Variants in NRXN3 observed in about 807,000 individuals in gnomAD.
NRXN3 encodes the protein neurexin 3.
In NRXN3, 32 loss-of-function variants were observed where a neutral mutation model predicts 137.6. The observed-to-expected ratio is 0.23, with a 90% CI of 0.18 to 0.31. NRXN3 has a LOEUF of 0.31. Among genes scored for constraint, NRXN3 ranks in the 10% least tolerant of loss-of-function variants. The probability of loss-of-function intolerance (pLI) is 1.00; values close to 1 mark genes in which losing one functional copy is unlikely to be tolerated. For missense variants in NRXN3, 1,574 were observed against 2,062.5 expected, an observed-to-expected ratio of 0.76 and a Z score of 4.59; for synonymous variants, 798 against 784.5, an observed-to-expected ratio of 1.02 and a Z score of -0.29.
chr14:78,285,867 G>A (rs528997489), intron 3 of NRXN3, among the ~76,000 whole-genome samples: 3 of 152,304 alleles, frequency 2.0e-5, no homozygotes, highest in Admixed American at 2.0e-4. Context: ...TAGATTGGAA[G>A]GGGGCCCTCA....
intron 4 of NRXN3, among the ~76,000 whole-genome samples, chr14:78,349,320 TG>T (rs1467785834): frequency 6.6e-6 from 1 of 152,176 alleles, no homozygotes; most frequent in African/African-American, 2.4e-5. Context: ...TTATGAATCC[TG>T]GGGATACAGG....
intron 17 of NRXN3, among the ~76,000 whole-genome samples, chr14:79,690,119 G>A (rs945627206): frequency 2.0e-5 from 3 of 152,158 alleles, no homozygotes; most frequent in Non-Finnish European, 2.9e-5. Flanking sequence ...ATAGTATTCT[G>A]TTGTGTCTAA....
rs556986434 is a variant in NRXN3, at chr14:78,992,523, G to A, written c.3262+4382G>A. On this transcript the variant is annotated intron_variant, in intron 15 of 20. Coordinates refer to ENST00000335750, the MANE Select transcript of NRXN3 (RefSeq NM_001330195.2). ...GAAATTCTAGCATGTTGTAGCCATG[G>A]CAGCACCAGGCAAATCCAGAATCTC... 2.0e-5 allele frequency among the ~76,000 whole-genome samples: 3 copies of A among 152,244 alleles called. No homozygotes were observed. The East Asian group carries it at 5.8e-4, about 29-fold the overall frequency.
Position 78,780,769 on chromosome 14 carries a change from C to A in NRXN3, c.2045-22851C>A, listed in dbSNP as rs146984167. On this transcript the variant is annotated intron_variant, in intron 8 of 20. Coordinates refer to ENST00000335750, the MANE Select transcript of NRXN3 (RefSeq NM_001330195.2). The stretch of plus-strand genomic sequence containing the variant: ...AAAGCATTGAGATATTACTTCAAAC[C>A]ACCAGAGTAGCAAAAATGTACCATT... 2.2e-3 allele frequency among the ~76,000 whole-genome samples: 337 copies of A among 152,218 alleles called. 2 individuals are homozygous for A. The highest frequency in any genetic ancestry group is 7.7e-3 in the African/African-American group (321 of 41,540).
intron 15 of NRXN3, among the ~76,000 whole-genome samples, chr14:79,415,914 G>C (rs1301448838): frequency 6.6e-6 from 1 of 152,098 alleles, no homozygotes; most frequent in Admixed American, 6.6e-5. Context: ...GCATTTAACA[G>C]ATTTCTTGGT....
intron 4 of NRXN3, among the ~76,000 whole-genome samples, chr14:78,458,955 A>T (rs1355028920): frequency 6.6e-6 from 1 of 152,200 alleles, no homozygotes; most frequent in Non-Finnish European, 1.5e-5. Flanking sequence ...TCCAACTCTG[A>T]GATTCGACCA....
rs944394059 is a variant in NRXN3, at chr14:79,083,989, C to T, written c.3262+95848C>T. Among the ~76,000 whole-genome samples the T allele has an allele frequency of 3.1e-4, 47 of 152,096 alleles. 1 individual carries two copies. The highest frequency in any genetic ancestry group is 2.9e-3 in the Admixed American group (44 of 15,260). On this transcript the variant is annotated intron_variant, in intron 15 of 20. Transcript: ENST00000335750. ...GCAGGATCACAGCCTACTGCAGCCT[C>T]GACCCCCACCCCTAAGCTCAAGCGA...
At chr14:79,388,933 A>G (rs190487089) in intron 15 of NRXN3, among the ~76,000 whole-genome samples, 2 of 152,218 alleles carry the variant, frequency 1.3e-5, no homozygotes, top group Admixed American at 1.3e-4. Context: ...TCCCTTGCAC[A>G]TGCTCTCTTG....
chr14:78,519,177 A>G (rs1019833457), intron 4 of NRXN3, among the ~76,000 whole-genome samples: 3 of 152,270 alleles, frequency 2.0e-5, no homozygotes, highest in Admixed American at 6.5e-5. Context: ...GACTTATGGT[A>G]GCAAAGGATC....
intron 15 of NRXN3, among the ~76,000 whole-genome samples, chr14:79,201,851 A>T (rs925240044): frequency 6.6e-6 from 1 of 152,196 alleles, no homozygotes; most frequent in African/African-American, 2.4e-5. Context: ...CTACGTCACT[A>T]CATATTTCTT....
At chr14:78,235,036 A>ATGTG (rs56692474) in intron 1 of NRXN3, among the ~76,000 whole-genome samples, 2 of 132,690 alleles carry the variant, frequency 1.5e-5, no homozygotes, top group Non-Finnish European at 3.2e-5. Flanking sequence ...GTATATATAT[A>ATGTG]TGTGTGTGTG....
chr14:78,591,148 G>C (rs113462649), intron 4 of NRXN3, among the ~76,000 whole-genome samples: 3 of 152,260 alleles, frequency 2.0e-5, no homozygotes, highest in African/African-American at 7.2e-5. Flanking sequence ...GCATCCCAGA[G>C]GCCATTTCTG....
intron 13 of NRXN3, among the ~76,000 whole-genome samples, chr14:78,967,752 G>C (rs1025087368): frequency 6.6e-6 from 1 of 152,094 alleles, no homozygotes; most frequent in Non-Finnish European, 1.5e-5. Flanking sequence ...AACTGTCTTA[G>C]CCTTGTTCAG....
At chr14:79,675,888 A>G (rs928637689) in intron 17 of NRXN3, among the ~76,000 whole-genome samples, 3 of 151,954 alleles carry the variant, frequency 2.0e-5, no homozygotes, top group Non-Finnish European at 1.5e-5. Flanking sequence ...ATTTAAATAC[A>G]CCCCTCTCTC....
chr14:78,903,498 A>G (rs2099204466), intron 10 of NRXN3, among the ~76,000 whole-genome samples: 1 of 152,064 alleles, frequency 6.6e-6, no homozygotes, highest in Non-Finnish European at 1.5e-5. Flanking sequence ...TGCGTAAGAC[A>G]TATGTGTTAA....
chr14:79,757,136 C>T (rs2099022395), intron 19 of NRXN3, among the ~76,000 whole-genome samples: 1 of 152,186 alleles, frequency 6.6e-6, no homozygotes, highest in South Asian at 2.1e-4. Context: ...TTTGGGTTCA[C>T]TACACCTCTC....
At chr14:79,510,628 C>T (rs2096923501) in intron 16 of NRXN3, among the ~76,000 whole-genome samples, 1 of 152,144 alleles carries the variant, frequency 6.6e-6, no homozygotes, top group South Asian at 2.1e-4. Flanking sequence ...CGTTAACTAT[C>T]TAGAACTACC....
At chr14:79,798,884 C>T (rs1015689338) in intron 19 of NRXN3, among the ~76,000 whole-genome samples, 4 of 151,892 alleles carry the variant, frequency 2.6e-5, no homozygotes, top group Admixed American at 2.0e-4. Flanking sequence ...AGGGTAAAAC[C>T]CTTCTGAGTA....
intron 15 of NRXN3, among the ~76,000 whole-genome samples, chr14:79,274,323 TCTC>T (rs1285341824): frequency 6.6e-6 from 1 of 152,054 alleles, no homozygotes; most frequent in East Asian, 1.9e-4. Flanking sequence ...CTGAATAAAG[TCTC>T]CTGTACCAAA....
Sources: gnomAD v4.1 joint callset for allele counts (sites outside exome capture counted in the v4.1 genomes callset) on GRCh38, gnomAD v4.1.1 for gene constraint, MANE v1.5 for transcripts, NCBI Gene and HGNC (gene_info 2026-07-23, HGNC 2026-07-21) for gene names.